The following GAGE10 variants were observed in gnomAD, a reference collection of about 807,000 sequenced individuals.
GAGE10 encodes the protein G antigen 10.
A neutral mutation model predicts 11.5 loss-of-function variants in GAGE10; 9 were observed. The observed-to-expected ratio is 0.78, with a 90% CI of 0.47 to 1.37. The LOEUF (loss-of-function observed/expected upper bound fraction) is 1.37. Among genes scored for constraint, GAGE10 ranks in the 40% most tolerant of loss-of-function variants. GAGE10 has a pLI of 0.00. For synonymous variants in GAGE10, 23 were observed against 29.7 expected (o/e 0.77, Z 0.73); for missense variants, 83 against 92.9 (o/e 0.89, Z 0.44).
At chrX:49,316,623 T>C (rs1280023046) in intron 3 of GAGE10, among the ~76,000 whole-genome samples, 1 of 112,201 alleles carries the variant, frequency 8.9e-6, no homozygotes, top group Non-Finnish European at 1.9e-5. Context: ...ACATCTTGCA[T>C]GTGCTTTTCA....
chrX:49,307,036 G>T, intron 3 of GAGE10, among the ~76,000 whole-genome samples: 1 of 111,312 alleles, frequency 9.0e-6, no homozygotes, highest in Non-Finnish European at 1.9e-5. Context: ...TCTTCCTAAA[G>T]TTCAGTGTAA....
chrX:49,319,162 T>C, intron 4 of GAGE10, among the ~76,000 whole-genome samples: 1 of 113,861 alleles, frequency 8.8e-6, no homozygotes, highest in Non-Finnish European at 1.9e-5. Flanking sequence ...GAAATAAATA[T>C]CAAATGGCGA....
intron 2 of GAGE10, 151 bp from the exon 3 acceptor site, chrX:49,305,253 G>A (rs1409703533): frequency 3.6e-5 from 42 of 1,175,558 alleles, no homozygotes; most frequent in Non-Finnish European, 4.4e-5. Context: ...TGTGGGTCGA[G>A]TAACCTTATT....
chrX:49,310,664 G>A (rs1557124629), intron 3 of GAGE10, among the ~76,000 whole-genome samples: 1 of 110,178 alleles, frequency 9.1e-6, no homozygotes, highest in African/African-American at 3.3e-5. Context: ...GCCCCGGGGA[G>A]CCTATGGTCT....
At chrX:49,305,714 T>G (rs2066354269) in intron 3 of GAGE10, among the ~76,000 whole-genome samples, 190 bp downstream of exon 3, 1 of 112,499 alleles carries the variant, frequency 8.9e-6, no homozygotes, top group Non-Finnish European at 1.9e-5. Flanking sequence ...GCAGCTTAGC[T>G]TAGGCAAATC....
intron 3 of GAGE10, among the ~76,000 whole-genome samples, chrX:49,312,381 C>T (rs1432263243): frequency 8.9e-6 from 1 of 112,911 alleles, no homozygotes; most frequent in Non-Finnish European, 1.9e-5. Context: ...TGCAACCCTG[C>T]ATGCCCATGG....
chrX:49,309,597 A>G (rs1260207160), intron 3 of GAGE10, among the ~76,000 whole-genome samples: 1 of 112,527 alleles, frequency 8.9e-6, no homozygotes. Flanking sequence ...GTAAAAAGTG[A>G]AAAGTAAAAG....
At chrX:49,316,367 G>C (rs1263877950) in intron 3 of GAGE10, among the ~76,000 whole-genome samples, 1 of 111,771 alleles carries the variant, frequency 8.9e-6, no homozygotes, top group Non-Finnish European at 1.9e-5. Flanking sequence ...TCTGTAATAC[G>C]CTTCCCCTGC....
intron 3 of GAGE10, among the ~76,000 whole-genome samples, chrX:49,313,167 C>G (rs782237384): frequency 1.9e-4 from 21 of 112,312 alleles, no homozygotes; most frequent in African/African-American, 6.1e-4. Flanking sequence ...TAGGATCAGA[C>G]AGTGGTCCTG....
intron 3 of GAGE10, among the ~76,000 whole-genome samples, chrX:49,316,676 G>C (rs1313149773): frequency 8.9e-6 from 1 of 111,912 alleles, no homozygotes; most frequent in Non-Finnish European, 1.9e-5. Flanking sequence ...TCCTTAATTT[G>C]TCTTTGTCAT....
intron 3 of GAGE10, among the ~76,000 whole-genome samples, chrX:49,307,505 G>A (rs2066361762): frequency 9.4e-6 from 1 of 106,672 alleles, no homozygotes; most frequent in African/African-American, 3.4e-5. Flanking sequence ...TTGAGACGGA[G>A]TCTCTCTCTG....
chrX:49,303,848 G>A (rs1390061450), intron 1 of GAGE10, 95 bp downstream of exon 1: 2 of 112,562 alleles, frequency 1.8e-5, no homozygotes, highest in East Asian at 2.8e-4. Flanking sequence ...GTCCTGCTTC[G>A]TGGTCTGTGG....
At chrX:49,308,402 G>A (rs1336984855) in intron 3 of GAGE10, among the ~76,000 whole-genome samples, 5 of 111,961 alleles carry the variant, frequency 4.5e-5, no homozygotes, top group Non-Finnish European at 9.4e-5. Flanking sequence ...GATGGAGACT[G>A]GCTCTCCCGG....
At chrX:49,317,309 G>A in intron 4 of GAGE10, 21 bp downstream of exon 4, 5 of 1,190,394 alleles carry the variant, frequency 4.2e-6, no homozygotes, top group Non-Finnish European at 5.7e-6. Context: ...CATTAGGCAT[G>A]CACATTGTAG....
intron 3 of GAGE10, among the ~76,000 whole-genome samples, chrX:49,314,327 A>G (rs1411675956): frequency 8.9e-6 from 1 of 112,505 alleles, no homozygotes; most frequent in African/African-American, 3.2e-5. Flanking sequence ...GTTTAACACA[A>G]GAGAGGCTTA....
intron 3 of GAGE10, among the ~76,000 whole-genome samples, chrX:49,313,096 C>T (rs1385498129): frequency 3.6e-5 from 4 of 111,817 alleles, no homozygotes; most frequent in African/African-American, 1.3e-4. Flanking sequence ...TGAAAGGGCA[C>T]GAGAGGTGAC....
intron 4 of GAGE10, 33 bp downstream of exon 4, chrX:49,317,321 G>A: frequency 8.5e-7 from 1 of 1,180,732 alleles, no homozygotes; most frequent in Non-Finnish European, 1.1e-6. Context: ...ACATTGTAGG[G>A]TGTCTGTTTC....
intron 3 of GAGE10, among the ~76,000 whole-genome samples, chrX:49,316,786 T>G (rs1193119804): frequency 8.9e-6 from 1 of 111,750 alleles, no homozygotes; most frequent in East Asian, 2.8e-4. Flanking sequence ...TTTTTTAAAC[T>G]CAGCATTTAT....
At chrX:49,317,405 T>G (rs2066397418) in intron 4 of GAGE10, 117 bp downstream of exon 4, 1 of 1,044,661 alleles carries the variant, frequency 9.6e-7, no homozygotes, top group African/African-American at 1.9e-5. Flanking sequence ...TGGAGTGCAG[T>G]GGTGGCATCT....
Sources: gnomAD v4.1 joint callset for allele counts (sites outside exome capture counted in the v4.1 genomes callset) on GRCh38, gnomAD v4.1.1 for gene constraint, MANE v1.5 for transcripts, NCBI Gene and HGNC (gene_info 2026-07-23, HGNC 2026-07-21) for gene names.